Variants in JAKMIP1 observed in about 807,000 individuals in gnomAD.
The protein encoded by JAKMIP1 is janus kinase and microtubule interacting protein 1, also known as janus kinase and microtubule-interacting protein 1.
Under a neutral mutation model 113.0 loss-of-function variants are expected in JAKMIP1, and 33 were observed. The ratio of observed to expected loss-of-function variants is 0.29; its 90% CI spans 0.22 to 0.39. JAKMIP1 has a LOEUF of 0.39. Ranked by LOEUF, JAKMIP1 falls within the 10% of genes least tolerant of loss-of-function variation. JAKMIP1 has a pLI of 1.00. For synonymous variants in JAKMIP1, 480 were observed against 459.9 expected, an observed-to-expected ratio of 1.04 and a Z score of -0.56; for missense variants, 813 against 1,080.5, an observed-to-expected ratio of 0.75 and a Z score of 3.47.
intron 1 of JAKMIP1, among the ~76,000 whole-genome samples, chr4:6,128,646 C>A (rs767929217): frequency 6.6e-6 from 1 of 152,200 alleles, no homozygotes; most frequent in Non-Finnish European, 1.5e-5. Context: ...CCTCCTCCGT[C>A]CATTCCCTCC....
intron 2 of JAKMIP1, among the ~76,000 whole-genome samples, chr4:6,107,604 C>T (rs896699361): frequency 1.3e-5 from 2 of 152,198 alleles, no homozygotes; most frequent in Non-Finnish European, 2.9e-5. Context: ...AGGAACTCTG[C>T]CTCCCGGCTG....
chr4:6,053,986 T>C, intron 13 of JAKMIP1, 64 bp downstream of exon 13: 1 of 1,613,022 alleles, frequency 6.2e-7, no homozygotes, highest in Non-Finnish European at 8.5e-7. Context: ...TACATGAATT[T>C]CAGTTTGGGT....
Position 6,080,162 on chromosome 4 carries a change from C to T in JAKMIP1, c.1242+10G>A, listed in dbSNP as rs778908979. On this transcript the variant is annotated intron_variant, in intron 7 of 20. Transcript: ENST00000409021. The surrounding 1 kb of genome is among the most constrained non-coding windows in gnomAD (Gnocchi z 6.0). ...GCCAGGGGCAGCCGCGCCAGCTGTG[C>T]TAGATGTACCAGTGAGAGGTCGTCA... The T allele has an allele frequency of 2.1e-5, 33 of 1,596,740 alleles. No homozygotes were observed. In the South Asian group the frequency reaches 3.6e-4, roughly 17 times the overall value.
At chr4:6,148,141 A>G (rs2108976280) in intron 1 of JAKMIP1, among the ~76,000 whole-genome samples, 1 of 152,350 alleles carries the variant, frequency 6.6e-6, no homozygotes, top group African/African-American at 2.4e-5. Context: ...CAGCTTTCTG[A>G]AGATGTCCTG....
In JAKMIP1 at chr4:6,116,496, G is replaced by A. The variant is rs756469251; in HGVS notation, c.-147-3499C>T. Among the ~76,000 whole-genome samples, 3 of 152,132 alleles carry A rather than the reference G, an allele frequency of 2.0e-5. No individual in the cohort carries two copies. Among genetic ancestry groups the A allele is most frequent in the Non-Finnish European group, 2.9e-5 (2 of 68,028 alleles). ...AGAGAAGGCTCCTTCCTGAAGGCAC[G>A]GGGACCTTGGACCTGCTGACCCTGG... On this transcript the variant is annotated intron_variant, in intron 1 of 20. Coordinates refer to ENST00000409021, the MANE Select transcript of JAKMIP1 (RefSeq NM_001099433.2). The surrounding 1 kb of genome is among the most constrained non-coding windows in gnomAD (Gnocchi z 5.1).
intron 1 of JAKMIP1, among the ~76,000 whole-genome samples, chr4:6,127,972 C>T (rs1717964408): frequency 6.6e-6 from 1 of 152,226 alleles, no homozygotes; most frequent in South Asian, 2.1e-4. Flanking sequence ...ATCCCACCAC[C>T]CCCATCTCTG....
chr4:6,119,134 G>A (rs1440746012), intron 1 of JAKMIP1, among the ~76,000 whole-genome samples: 1 of 152,156 alleles, frequency 6.6e-6, no homozygotes, highest in Non-Finnish European at 1.5e-5. Context: ...TGCCAGCACT[G>A]TGATTTGGGA....
At position 6,197,049 on chromosome 4, in the gene JAKMIP1, G is replaced by C. The variant is rs967199582; in HGVS notation, c.-148+3204C>G. Reference sequence around the variant, plus strand: ...ACTTGGCTCCCTCTGCGGTGTTCACGTAGACCTCACCCTGTGTGGTGCCCG... The same window carrying C: ...ACTTGGCTCCCTCTGCGGTGTTCACCTAGACCTCACCCTGTGTGGTGCCCG... On this transcript the variant is annotated intron_variant, in intron 1 of 20. Coordinates refer to ENST00000409021, the MANE Select transcript of JAKMIP1 (RefSeq NM_001099433.2). This position sits in a 1 kb window ranked among gnomAD's most constrained non-coding sequence, Gnocchi z 6.5. Among the ~76,000 whole-genome samples the C allele has an allele frequency of 6.6e-6, 1 of 152,174 alleles. No homozygotes were observed. The highest frequency in any genetic ancestry group is 6.5e-5 in the Admixed American group (1 of 15,270).
rs1434377514 is a variant in JAKMIP1 at position 6,155,066 on chromosome 4, C to T, written c.-147-42069G>A. Among the ~76,000 whole-genome samples, 1 of 152,140 alleles carries T rather than the reference C, an allele frequency of 6.6e-6. No homozygotes were observed. The highest frequency in any genetic ancestry group is 1.5e-5 in the Non-Finnish European group (1 of 68,016). On this transcript the variant is annotated intron_variant, in intron 1 of 20. Coordinates refer to ENST00000409021, the MANE Select transcript of JAKMIP1 (RefSeq NM_001099433.2). The surrounding 1 kb of genome is among the most constrained non-coding windows in gnomAD (Gnocchi z 6.1). ...CAGTGGGAAGACAGTCGGGAGATGCCAGCCCAGCCTGCTGGGAAGATACTT... is the reference window on the plus strand; with the variant it reads ...CAGTGGGAAGACAGTCGGGAGATGCTAGCCCAGCCTGCTGGGAAGATACTT...
rs745814307 is a variant in JAKMIP1 at position 6,116,145 on chromosome 4, C to T, written c.-147-3148G>A. ...CCAAAGTTCTGGGCCAAGTCAATCT[C>T]GGAGCTCAGGGTGGGCCCCAGCAGC... On this transcript the variant is annotated intron_variant, in intron 1 of 20. Transcript: ENST00000409021. This position sits in a 1 kb window ranked among gnomAD's most constrained non-coding sequence, Gnocchi z 5.1. Among the ~76,000 whole-genome samples the T allele has an allele frequency of 2.6e-5, 4 of 152,018 alleles. No homozygotes were observed. Among genetic ancestry groups the T allele is most frequent in the African/African-American group, 9.7e-5 (4 of 41,386 alleles).
In JAKMIP1 at chr4:6,116,191, C is replaced by T. The variant is rs1393355961; in HGVS notation, c.-147-3194G>A. Among the ~76,000 whole-genome samples the T allele has an allele frequency of 6.6e-6, 1 of 152,096 alleles. No homozygotes were observed. Among genetic ancestry groups the T allele is most frequent in the Admixed American group, 6.5e-5 (1 of 15,280 alleles). On this transcript the variant is annotated intron_variant, in intron 1 of 20. Transcript: ENST00000409021. The surrounding 1 kb of genome is among the most constrained non-coding windows in gnomAD (Gnocchi z 5.1). ...GCAGCCGGCCTCTGTGCCATGGACA[C>T]ACTGTTGATAGTCCCGACGCTCACA...
In JAKMIP1 at chr4:6,197,582, A is replaced by G. The variant is rs982896340; in HGVS notation, c.-148+2671T>C. Among the ~76,000 whole-genome samples, 2 of 152,234 alleles carry G rather than the reference A, an allele frequency of 1.3e-5. No individual in the cohort carries two copies. The highest frequency in any genetic ancestry group is 2.9e-5 in the Non-Finnish European group (2 of 68,050). ...AAGGGATAAACTACAGGCAAGTCCAACTTCAGAAGCCCTGCAGGTTGATCC... is the reference window on the plus strand; with the variant it reads ...AAGGGATAAACTACAGGCAAGTCCAGCTTCAGAAGCCCTGCAGGTTGATCC... On this transcript the variant is annotated intron_variant, in intron 1 of 20. Transcript: ENST00000409021. This position sits in a 1 kb window ranked among gnomAD's most constrained non-coding sequence, Gnocchi z 6.5.
At chr4:6,056,843 T>G in intron 11 of JAKMIP1, 84 bp from the exon 12 acceptor site, 1 of 903,282 alleles carries the variant, frequency 1.1e-6, no homozygotes. Context: ...AAGGTCACTT[T>G]CTATGAAACT....
chr4:6,048,163 G>T (rs1053278261), intron 16 of JAKMIP1, among the ~76,000 whole-genome samples: 2 of 152,190 alleles, frequency 1.3e-5, no homozygotes, highest in Non-Finnish European at 1.5e-5. Context: ...CATCAAATGG[G>T]CAAAGTTCTT....
At chr4:6,079,269 T>TA (rs927041265) in intron 7 of JAKMIP1, among the ~76,000 whole-genome samples, 5 of 152,262 alleles carry the variant, frequency 3.3e-5, no homozygotes, top group African/African-American at 1.2e-4. Flanking sequence ...GATGGATGGA[T>TA]AGATAGATGT....
intron 1 of JAKMIP1, among the ~76,000 whole-genome samples, chr4:6,118,675 G>A (rs957190677): frequency 3.9e-5 from 6 of 152,026 alleles, no homozygotes; most frequent in Non-Finnish European, 7.4e-5. Flanking sequence ...GCACAGCTTC[G>A]TGGTGACAAC....
chr4:6,109,384 T>C (rs369771033), intron 2 of JAKMIP1, among the ~76,000 whole-genome samples: 104 of 151,952 alleles, frequency 6.8e-4, no homozygotes, highest in East Asian at 5.9e-3. Context: ...CCGCCCGCCT[T>C]GGCCTCCCAA....
chr4:6,046,626 C>A (rs756890171), intron 16 of JAKMIP1, among the ~76,000 whole-genome samples: 1 of 152,142 alleles, frequency 6.6e-6, no homozygotes, highest in Non-Finnish European at 1.5e-5. Flanking sequence ...TGGGCAGCTG[C>A]CAGGCGAGCA....
chr4:6,111,832 C>T (rs11731332), intron 2 of JAKMIP1, among the ~76,000 whole-genome samples: 73,643 of 152,066 alleles, frequency 0.48, 18,897 homozygotes, highest in East Asian at 0.71. Context: ...AAGCTCTTTA[C>T]CTAGCAGAGC....
Sources: allele counts gnomAD v4.1 joint callset (sites outside exome capture counted in the v4.1 genomes callset), GRCh38; gene constraint gnomAD v4.1.1; non-coding constraint Gnocchi (gnomAD v3.1); transcripts MANE v1.5; gene names NCBI Gene and HGNC (gene_info 2026-07-23, HGNC 2026-07-21).